RDH8: variants seen among roughly 807,000 people sequenced by gnomAD.
The protein encoded by RDH8 is retinol dehydrogenase 8.
A neutral mutation model predicts 22.3 loss-of-function variants in RDH8; 14 were observed. The ratio of observed to expected loss-of-function variants is 0.63; its 90% CI spans 0.42 to 0.98. RDH8 has a LOEUF of 0.98. Among genes scored for constraint, RDH8 ranks in the 50% least tolerant of loss-of-function variants. The probability of loss-of-function intolerance (pLI) is 0.00; values close to 1 mark genes in which losing one functional copy is unlikely to be tolerated. For synonymous variants in RDH8, 175 were observed against 171.7 expected (o/e 1.02, Z -0.15); for missense variants, 389 against 409.8 (o/e 0.95, Z 0.44).
chr19:10,016,178 C>T (rs1193074796), intron 1 of RDH8, among the ~76,000 whole-genome samples: 2 of 150,364 alleles, frequency 1.3e-5, no homozygotes, highest in East Asian at 3.9e-4. Context: ...GAGACAGTCT[C>T]GCTCTGTTGC....
chr19:10,013,899 G>A (rs901727252), intron 1 of RDH8, among the ~76,000 whole-genome samples: 2 of 152,120 alleles, frequency 1.3e-5, no homozygotes, highest in Non-Finnish European at 2.9e-5. Flanking sequence ...TCTATCTGGT[G>A]GGAATAAGTG....
At chr19:10,019,969 C>T (rs1242761092) in intron 3 of RDH8, among the ~76,000 whole-genome samples, 1 of 151,464 alleles carries the variant, frequency 6.6e-6, no homozygotes, top group Non-Finnish European at 1.5e-5. Context: ...GGTGAAACTC[C>T]GTCTCTAGTA....
intron 3 of RDH8, 124 bp downstream of exon 3, chr19:10,019,034 T>C (rs974608875): frequency 2.5e-6 from 2 of 799,086 alleles, no homozygotes; most frequent in Admixed American, 6.0e-5. Flanking sequence ...CGGTGATTCA[T>C]GCCTGTAATC....
At position 10,020,810 on chromosome 19, in the gene RDH8, G is replaced by A. The variant is rs998048774; in HGVS notation, c.536+8G>A. On this transcript the variant is annotated splice_region_variant and intron_variant, in intron 4 of 5. Transcript: ENST00000591589. ...GCTGCAGTTCAACATCTTGTGAGGC[G>A]GGCACGTGGGCAGAGGGGGCTTGGA... The A allele has an allele frequency of 1.4e-5, 22 of 1,597,106 alleles. No homozygotes were observed. The highest frequency in any genetic ancestry group is 4.0e-5 in the African/African-American group (3 of 74,726).
chr19:10,020,020 A>C (rs1358578945), intron 3 of RDH8, among the ~76,000 whole-genome samples: 1 of 152,042 alleles, frequency 6.6e-6, no homozygotes, highest in Non-Finnish European at 1.5e-5. Context: ...GTGCACCTGT[A>C]GTCCCAGCTA....
At position 10,021,971 on chromosome 19, in the gene RDH8, C is replaced by T; in HGVS notation, c.*222C>T. 3.4e-6 allele frequency: 2 copies of T among 582,952 alleles called. No individual in the cohort carries two copies. Among genetic ancestry groups the T allele is most frequent in the Non-Finnish European group, 6.0e-6 (2 of 334,926 alleles). 36.1% of individuals were successfully genotyped at this position (582,952 alleles called of 1,614,324 possible). ...CAGAGAGGGACCCTGGGAACTTGGC[C>T]TGGGAAGCCCAGAGCAGGAAGCCAC... On this transcript the variant is annotated 3_prime_UTR_variant, in exon 6 of 6. Transcript: ENST00000591589.
chr19:10,018,104 C>T (rs879717362), intron 2 of RDH8, among the ~76,000 whole-genome samples: 1 of 152,184 alleles, frequency 6.6e-6, no homozygotes, highest in Non-Finnish European at 1.5e-5. Flanking sequence ...CGCCACCACA[C>T]TTGGCTAATT....
rs779676963 is a variant in RDH8, at chr19:10,021,738, C to T, written c.925C>T (p.Arg309Trp). The T allele has an allele frequency of 2.6e-5, 42 of 1,613,320 alleles. No individual in the cohort carries two copies. The Middle Eastern group carries it at 6.6e-4, about 25-fold the overall frequency. Residue 309 changes from arginine (R) to tryptophan (W), a missense_variant, in exon 6 of 6, where the codon CGG (arginine) becomes TGG (tryptophan). By Grantham distance (101) the Arg-to-Trp change is moderately radical. Transcript: ENST00000591589. ...LSCGCLPTRV[R>W]PR ...CTGCGGCTGCCTCCCAACGCGGGTG[C>T]GGCCAAGATGAGCAGAACAGAGCTT...
chr19:10,013,879 A>G (rs980856578), intron 1 of RDH8, among the ~76,000 whole-genome samples: 10 of 152,106 alleles, frequency 6.6e-5, no homozygotes, highest in African/African-American at 2.4e-4. Flanking sequence ...AGATAAAAAG[A>G]AATTGTTGCT....
chr19:10,018,732 G>A lies in RDH8; in HGVS notation c.264G>A (p.Val88=), dbSNP rs1482668450. ...AACCCTTAGTACCTCTTCTCTTAGT[G>A]AATAATGCTGGAATGGGCCTGGTGG... ...SCIQGEVDVL[V]NNAGMGLVGP... Residue 88 remains valine, a splice_region_variant and synonymous_variant, in exon 3 of 6, where the codon GTG becomes GTA. Transcript: ENST00000591589. 2 of 1,600,342 alleles carry A rather than the reference G, an allele frequency of 1.2e-6. No homozygotes were observed. Among genetic ancestry groups the A allele is most frequent in the Admixed American group, 3.4e-5 (2 of 58,374 alleles).
chr19:10,021,364 T>A lies in RDH8; in HGVS notation c.646T>A (p.Phe216Ile). The A allele has an allele frequency of 6.2e-7, 1 of 1,614,046 alleles. No individual in the cohort carries two copies. The highest frequency in any genetic ancestry group is 8.5e-7 in the Non-Finnish European group (1 of 1,179,992). Residue 216 changes from phenylalanine (F) to isoleucine (I), a missense_variant, in exon 5 of 6, where the codon TTC becomes ATC. By Grantham distance (21) the Phe-to-Ile change is conservative (BLOSUM62 0). Coordinates refer to ENST00000591589, the MANE Select transcript of RDH8 (RefSeq NM_015725.4). ...CACTGACCCTGAGACCCTGCACTAC[T>A]TCCGGGACCTCTATCTCCCAGCCTC... is the stretch of plus-strand genomic sequence containing the variant. The part of the protein sequence containing the change: ...PGTDPETLHY[F>I]RDLYLPASRK...
At chr19:10,020,300 A>AAAAAAG (rs1280086285) in intron 3 of RDH8, among the ~76,000 whole-genome samples, 10 of 148,052 alleles carry the variant, frequency 6.8e-5, no homozygotes, top group African/African-American at 2.5e-4. Context: ...ACACCTTATC[A>AAAAAAG]AAAAAGAAAA....
intron 3 of RDH8, among the ~76,000 whole-genome samples, chr19:10,019,420 G>A (rs557545166): frequency 7.2e-4 from 109 of 152,186 alleles, no homozygotes; most frequent in African/African-American, 2.4e-3. Flanking sequence ...AGCACTTTGC[G>A]TGGCCTAGGC....
Position 10,013,587 on chromosome 19 carries a change from G to A in RDH8, c.90G>A (p.Lys30=). ...CAGTGCAACTGGCCCATGACCCCAA[G>A]AAGCGCTACCAGGGTAAGAAGTGCA... is the stretch of plus-strand genomic sequence containing the variant. ...ELAVQLAHDP[K]KRYQVVATMR... The change falls in exon 1 of 6, where the codon AAG becomes AAA. Residue 30 remains lysine, a synonymous_variant. Transcript: ENST00000591589. The A allele has an allele frequency of 6.2e-7, 1 of 1,614,012 alleles. No individual in the cohort carries two copies.
In RDH8 at chr19:10,021,718, G is replaced by A; in HGVS notation, c.905G>A (p.Gly302Asp). 1 of 1,613,818 alleles carries A rather than the reference G, an allele frequency of 6.2e-7. No homozygotes were observed. Among genetic ancestry groups the A allele is most frequent in the Non-Finnish European group, 8.5e-7 (1 of 1,180,032 alleles). ...CTTGGCCTTCAATGTCTGTCCTGCG[G>A]CTGCCTCCCAACGCGGGTGCGGCCA... ...LNLGLQCLSC[G>D]CLPTRVRPR is the part of the protein sequence containing the mutation. Residue 302 changes from glycine (G) to aspartate (D), a missense_variant, in exon 6 of 6, where the codon GGC (glycine) becomes GAC (aspartate). Transcript: ENST00000591589.
intron 2 of RDH8, among the ~76,000 whole-genome samples, chr19:10,018,151 A>G (rs5014899): frequency 0.52 from 78,564 of 151,442 alleles, 20,692 homozygotes; most frequent in South Asian, 0.68. Context: ...CTCCATGTTC[A>G]TCAGGCTGGT....
At chr19:10,020,358 G>GAGGGAGCAAGGGAGGAAGGA in intron 3 of RDH8, among the ~76,000 whole-genome samples, 1 of 134,152 alleles carries the variant, frequency 7.5e-6, no homozygotes, top group South Asian at 3.1e-4. Flanking sequence ...GGGAGGGAGG[G>GAGGGAGCAAGGGAGGAAGGA]AGGAAGGAAG....
chr19:10,015,682 C>G (rs911264701), intron 1 of RDH8, among the ~76,000 whole-genome samples: 6 of 150,678 alleles, frequency 4.0e-5, no homozygotes, highest in African/African-American at 1.5e-4. Flanking sequence ...CTCTCTGGCT[C>G]CTCACGCCTG....
chr19:10,019,642 T>C (rs983320497), intron 3 of RDH8, among the ~76,000 whole-genome samples: 10 of 151,616 alleles, frequency 6.6e-5, no homozygotes, highest in African/African-American at 2.4e-4. Flanking sequence ...CTACTAAAAA[T>C]ACAAAAAAAT....
Sources: gnomAD v4.1 joint callset for allele counts (sites outside exome capture counted in the v4.1 genomes callset) on GRCh38, gnomAD v4.1.1 for gene constraint, MANE v1.5 for transcripts, NCBI Gene and HGNC (gene_info 2026-07-23, HGNC 2026-07-21) for gene names.